HMGCLL1: variants seen among roughly 807,000 people sequenced by gnomAD.
The protein encoded by HMGCLL1 is 3-hydroxy-3-methylglutaryl-CoA lyase like 1.
A neutral mutation model predicts 39.1 loss-of-function variants in HMGCLL1; 36 were observed. The observed-to-expected ratio is 0.92, with a 90% CI of 0.71 to 1.22. The LOEUF is 1.22. Ranked by LOEUF, HMGCLL1 falls within the 50% of genes most tolerant of loss-of-function variation. The pLI is 0.00. For synonymous variants in HMGCLL1, 149 were observed against 144.0 expected (o/e 1.03, Z -0.25); for missense variants, 451 against 416.5 (o/e 1.08, Z -0.72).
At chr6:55,625,408 C>T in the HMGCLL1 span, among the ~76,000 whole-genome samples, 1 of 152,236 alleles carries the variant, frequency 6.6e-6, no homozygotes, top group Admixed American at 6.5e-5. Flanking sequence ...ATGGTCTCCA[C>T]TTTTGCCACC....
In HMGCLL1 at chr6:55,485,578, T is replaced by C. The variant is rs189289485; in HGVS notation, c.795+9841A>G. On this transcript the variant is annotated intron_variant, in intron 7 of 8. Coordinates refer to ENST00000274901, the MANE Select transcript of HMGCLL1 (RefSeq NM_001042406.2). Reference sequence around the variant, plus strand: ...AGACACCTTAATATTTGAGAGATAATATCTTATATAAATAGCTCTTAAAAT... The same window carrying C: ...AGACACCTTAATATTTGAGAGATAACATCTTATATAAATAGCTCTTAAAAT... Among the ~76,000 whole-genome samples, 8 of 152,118 alleles carry C rather than the reference T, an allele frequency of 5.3e-5. No homozygotes were observed. In the East Asian group the frequency reaches 1.5e-3, roughly 29 times the overall value.
At chr6:55,477,276 T>TAA (rs1765416874) in intron 7 of HMGCLL1, among the ~76,000 whole-genome samples, 1 of 13,504 alleles carries the variant, frequency 7.4e-5, no homozygotes, top group African/African-American at 9.6e-4. Flanking sequence ...ATAATATATA[T>TAA]TATATATTAT....
rs942419872 is a variant in HMGCLL1 at position 55,549,101 on chromosome 6, A to G, written c.109-6961T>C. On this transcript the variant is annotated intron_variant, in intron 1 of 8. Transcript: ENST00000274901. ...TCATGGCAATTTAACATTGAAACAA[A>G]ATAAACTATGAAAAATAGCCAACAT... Among the ~76,000 whole-genome samples, 3 of 151,326 alleles carry G rather than the reference A, an allele frequency of 2.0e-5. 1 individual carries two copies. Among genetic ancestry groups the G allele is most frequent in the African/African-American group, 7.3e-5 (3 of 41,070 alleles).
Position 55,514,088 on chromosome 6 carries a change from C to T in HMGCLL1, c.502G>A (p.Val168Ile), listed in dbSNP as rs1271159998. ...TTCATGTGTCTTGCAGACTTAACAA[C>T]CTCCTCAAATTTTCCCATACTTTCT... Reference protein sequence around the residue: ...IEESMGKFEEVVKSARHMNIP... With the variant: ...IEESMGKFEEIVKSARHMNIP... The change falls in exon 5 of 9, where the codon GTT becomes ATT. Residue 168 changes from valine to isoleucine, a missense_variant. By Grantham distance (29) the Val-to-Ile change is conservative (BLOSUM62 3). Transcript: ENST00000274901. The T allele has an allele frequency of 6.2e-7, 1 of 1,613,128 alleles. No homozygotes were observed.
At chr6:55,612,919 G>T in the HMGCLL1 span, among the ~76,000 whole-genome samples, 3 of 152,074 alleles carry the variant, frequency 2.0e-5, no homozygotes, top group Non-Finnish European at 2.9e-5. Context: ...ATCACAAAAA[G>T]CATATGTAAC....
At chr6:55,471,147 T>A (rs1182968275) in intron 7 of HMGCLL1, among the ~76,000 whole-genome samples, 2 of 151,844 alleles carry the variant, frequency 1.3e-5, no homozygotes, top group African/African-American at 4.8e-5. Flanking sequence ...GGTAAATTTG[T>A]CTTTTTTTGG....
At chr6:55,641,878 T>TTTTATTTA in the HMGCLL1 span, among the ~76,000 whole-genome samples, 5 of 129,772 alleles carry the variant, frequency 3.9e-5, no homozygotes, top group Non-Finnish European at 6.7e-5. Flanking sequence ...TTTTTTTTAT[T>TTTTATTTA]TTTATTTATT....
the HMGCLL1 span, among the ~76,000 whole-genome samples, chr6:55,601,811 A>T: frequency 1.3e-5 from 2 of 152,166 alleles, no homozygotes; most frequent in African/African-American, 4.8e-5. Context: ...TATAATGTTA[A>T]TTTCACATAT....
the HMGCLL1 span, among the ~76,000 whole-genome samples, chr6:55,620,553 C>T: frequency 6.6e-6 from 1 of 151,708 alleles, no homozygotes; most frequent in Admixed American, 6.6e-5. Context: ...ATTTTCTTTG[C>T]TTATAGAAGC....
intron 7 of HMGCLL1, among the ~76,000 whole-genome samples, chr6:55,457,638 C>A (rs1013364595): frequency 3.9e-5 from 6 of 152,142 alleles, no homozygotes; most frequent in African/African-American, 1.4e-4. Context: ...CTTTCTGTCT[C>A]TTTCTTCCCT....
At chr6:55,600,108 C>T in the HMGCLL1 span, among the ~76,000 whole-genome samples, 1 of 152,050 alleles carries the variant, frequency 6.6e-6, no homozygotes, top group African/African-American at 2.4e-5. Context: ...CCTGATGACT[C>T]TCTTTAACAA....
intron 7 of HMGCLL1, among the ~76,000 whole-genome samples, chr6:55,465,613 G>A (rs1231662265): frequency 3.3e-5 from 5 of 151,914 alleles, no homozygotes; most frequent in Admixed American, 3.3e-4. Context: ...CCCTTTATGA[G>A]CTTTAGGTGG....
At chr6:55,454,278 T>C (rs1329575541) in intron 7 of HMGCLL1, among the ~76,000 whole-genome samples, 1 of 152,146 alleles carries the variant, frequency 6.6e-6, no homozygotes, top group African/African-American at 2.4e-5. Flanking sequence ...GGGGCAGGGA[T>C]AATGAGTGAT....
the HMGCLL1 span, among the ~76,000 whole-genome samples, chr6:55,606,177 C>T: frequency 6.6e-6 from 1 of 152,038 alleles, no homozygotes; most frequent in South Asian, 2.1e-4. Flanking sequence ...AACAAGAATT[C>T]GAGCTACAGA....
Position 55,543,116 on chromosome 6 carries a change from TAA to T in HMGCLL1, c.109-978_109-977del, listed in dbSNP as rs1469857504. Reference sequence around the variant, plus strand: ...ATAATATAATATATGATATAATATATAATATATATCATATATATGATATATTA... The same window carrying T: ...ATAATATAATATATGATATAATATATTATATATCATATATATGATATATTA... On this transcript the variant is annotated intron_variant, in intron 1 of 8. Coordinates refer to ENST00000274901, the MANE Select transcript of HMGCLL1 (RefSeq NM_001042406.2). 1.2e-4 allele frequency among the ~76,000 whole-genome samples: 3 copies of T among 24,094 alleles called. 1 individual carries two copies. Among genetic ancestry groups the T allele is most frequent in the Non-Finnish European group, 1.5e-4 (2 of 13,218 alleles). 15.8% of individuals were successfully genotyped at this position (24,094 alleles called of 152,430 possible).
intron 7 of HMGCLL1, among the ~76,000 whole-genome samples, chr6:55,475,818 A>G (rs376026636): frequency 6.6e-6 from 1 of 151,708 alleles, no homozygotes; most frequent in East Asian, 1.9e-4. Context: ...TGAATATCCA[A>G]TTGAACTAGC....
At chr6:55,655,201 A>G in the HMGCLL1 span, among the ~76,000 whole-genome samples, 1 of 151,850 alleles carries the variant, frequency 6.6e-6, no homozygotes, top group Admixed American at 6.6e-5. Context: ...TGATCTTTCT[A>G]CTTATTTCAT....
chr6:55,650,451 T>C, the HMGCLL1 span, among the ~76,000 whole-genome samples: 1 of 151,750 alleles, frequency 6.6e-6, no homozygotes, highest in Non-Finnish European at 1.5e-5. Context: ...TTTCCCTTAC[T>C]TCCTCCAAAA....
the HMGCLL1 span, among the ~76,000 whole-genome samples, chr6:55,616,702 C>T: frequency 6.6e-6 from 1 of 151,884 alleles, no homozygotes; most frequent in African/African-American, 2.4e-5. Flanking sequence ...CAAGTACAGT[C>T]TTAACTCATA....
Sources: gnomAD v4.1 joint callset for allele counts (sites outside exome capture counted in the v4.1 genomes callset) on GRCh38, gnomAD v4.1.1 for gene constraint, MANE v1.5 for transcripts, NCBI Gene and HGNC (gene_info 2026-07-23, HGNC 2026-07-21) for gene names.